Variants in DISC1 observed in about 807,000 individuals in gnomAD.
DISC1 encodes DISC1 scaffold protein, also known as disrupted in schizophrenia 1 protein.
In DISC1, 57 loss-of-function variants were observed where a neutral mutation model predicts 84.5. The observed-to-expected ratio is 0.67, with a 90% CI of 0.55 to 0.84. The LOEUF (loss-of-function observed/expected upper bound fraction) is 0.84, where lower values mean the gene tolerates loss of function less well. DISC1 is among the 40% of genes least tolerant of loss of function. DISC1 has a pLI of 0.00. For synonymous variants in DISC1, 411 were observed against 415.2 expected, an observed-to-expected ratio of 0.99 and a Z score of 0.12; for missense variants, 1,000 against 1,057.8, an observed-to-expected ratio of 0.95 and a Z score of 0.76.
intron 10 of DISC1, among the ~76,000 whole-genome samples, chr1:232,004,436 G>A (rs1364279642): frequency 3.9e-5 from 3 of 77,620 alleles, no homozygotes; most frequent in Non-Finnish European, 8.7e-5. Flanking sequence ...GAACAAACAT[G>A]TAACAATACA....
rs923756679 is a variant in DISC1, at chr1:232,031,625, C to T, written c.2426-5067C>T. Reference sequence around the variant, plus strand: ...TAGTAGTCACAGTTCTTTCCTTAGGCTCTCACTTGGCTTTGGAGTGGGACG... The same window carrying T: ...TAGTAGTCACAGTTCTTTCCTTAGGTTCTCACTTGGCTTTGGAGTGGGACG... On this transcript the variant is annotated intron_variant, in intron 12 of 12. Coordinates refer to ENST00000439617, the MANE Select transcript of DISC1 (RefSeq NM_018662.3). This position sits in a 1 kb window ranked among gnomAD's most constrained non-coding sequence, Gnocchi z 4.6. Among the ~76,000 whole-genome samples the T allele has an allele frequency of 1.3e-5, 2 of 152,122 alleles. No individual in the cohort carries two copies. The highest frequency in any genetic ancestry group is 2.9e-5 in the Non-Finnish European group (2 of 68,012).
intron 6 of DISC1, among the ~76,000 whole-genome samples, chr1:231,794,282 TTTCACCTC>T (rs2078587699): frequency 6.6e-6 from 1 of 152,132 alleles, no homozygotes; most frequent in Non-Finnish European, 1.5e-5. Flanking sequence ...CCAGTTCACT[TTTCACCTC>T]TTCTGGTAAG....
At chr1:231,671,627 T>C (rs561154502) in intron 1 of DISC1, among the ~76,000 whole-genome samples, 1 of 152,310 alleles carries the variant, frequency 6.6e-6, no homozygotes, top group Non-Finnish European at 1.5e-5. Flanking sequence ...GAAGGTTGTA[T>C]TGGTTTTAGT....
intron 1 of DISC1, among the ~76,000 whole-genome samples, chr1:231,661,416 A>G (rs1032769288): frequency 2.0e-5 from 3 of 151,896 alleles, no homozygotes; most frequent in Admixed American, 1.3e-4. Flanking sequence ...AGAATCCCAT[A>G]TTTCTTGGAG....
chr1:232,026,841 T>C (rs1387801139), intron 12 of DISC1, among the ~76,000 whole-genome samples: 3 of 148,050 alleles, frequency 2.0e-5, no homozygotes, highest in Non-Finnish European at 4.5e-5. Context: ...CTCCACCTCC[T>C]GGGTTCAAAC....
intron 12 of DISC1, among the ~76,000 whole-genome samples, chr1:232,036,130 A>C (rs182764865): frequency 2.6e-5 from 4 of 152,310 alleles, no homozygotes; most frequent in Non-Finnish European, 5.9e-5. Context: ...GAGAGGTTTC[A>C]AAGTCATCAT....
intron 1 of DISC1, among the ~76,000 whole-genome samples, chr1:231,636,490 TA>T (rs1359427489): frequency 6.6e-6 from 1 of 152,172 alleles, no homozygotes; most frequent in Non-Finnish European, 1.5e-5. Context: ...ACTTAAATTG[TA>T]ATTTGAATGG....
At chr1:231,922,260 A>T (rs2090054950) in intron 9 of DISC1, among the ~76,000 whole-genome samples, 1 of 152,246 alleles carries the variant, frequency 6.6e-6, no homozygotes, top group South Asian at 2.1e-4. Flanking sequence ...AGCATCTGAC[A>T]GACATGCACC....
At chr1:231,710,142 G>A (rs1238563980) in intron 3 of DISC1, among the ~76,000 whole-genome samples, 1 of 152,096 alleles carries the variant, frequency 6.6e-6, no homozygotes, top group African/African-American at 2.4e-5. Context: ...TTTGAGACCA[G>A]CCTCGGCAAC....
intron 9 of DISC1, among the ~76,000 whole-genome samples, chr1:231,915,112 T>C (rs2089518017): frequency 6.6e-6 from 1 of 152,220 alleles, no homozygotes; most frequent in African/African-American, 2.4e-5. Context: ...TTTGACGTTA[T>C]AGTTGTTAGC....
chr1:231,672,038 CAG>C (rs1466612163), intron 1 of DISC1, among the ~76,000 whole-genome samples: 2 of 152,114 alleles, frequency 1.3e-5, no homozygotes, highest in Non-Finnish European at 2.9e-5. Context: ...TATATTGTGC[CAG>C]AGGTTGCCTG....
intron 9 of DISC1, among the ~76,000 whole-genome samples, chr1:231,915,613 CTAA>C (rs1271119821): frequency 6.6e-6 from 1 of 152,098 alleles, no homozygotes; most frequent in Non-Finnish European, 1.5e-5. Flanking sequence ...CCCGTCTCTA[CTAA>C]AAGTACAAAA....
intron 4 of DISC1, among the ~76,000 whole-genome samples, chr1:231,766,288 T>TAA (rs61578768): frequency 0.54 from 56,466 of 105,418 alleles, 15,149 homozygotes; most frequent in Non-Finnish European, 0.64. Context: ...AGACATTATC[T>TAA]AAAAAAAAAA....
intron 1 of DISC1, among the ~76,000 whole-genome samples, chr1:231,643,696 C>T (rs1315746169): frequency 6.6e-6 from 1 of 152,276 alleles, no homozygotes; most frequent in South Asian, 2.1e-4. Flanking sequence ...TAATTCTCTT[C>T]GTCTGTAAGA....
In DISC1 at chr1:231,659,607, G is replaced by A. The variant is rs569809836; in HGVS notation, c.67+32673G>A. 5.3e-5 allele frequency among the ~76,000 whole-genome samples: 8 copies of A among 152,204 alleles called. No individual in the cohort carries two copies. In the South Asian group the frequency reaches 1.7e-3, roughly 32 times the overall value. ...GAGATCTTTCTAGCTTTTGATGTGG[G>A]CATTTAATGCTCTAAATTTCCCTCT... On this transcript the variant is annotated intron_variant, in intron 1 of 12. Coordinates refer to ENST00000439617, the MANE Select transcript of DISC1 (RefSeq NM_018662.3).
intron 3 of DISC1, chr1:231,702,540 T>G (rs967113284): frequency 1.0e-6 from 1 of 985,412 alleles, no homozygotes; most frequent in African/African-American, 1.8e-5. Flanking sequence ...GGGGGTCACA[T>G]GCATCAAATT....
At chr1:231,717,209 A>T (rs563769197) in intron 3 of DISC1, among the ~76,000 whole-genome samples, 20 of 152,324 alleles carry the variant, frequency 1.3e-4, no homozygotes, top group African/African-American at 4.8e-4. Context: ...CTCTAGGGAA[A>T]TGTGAATAAG....
intron 10 of DISC1, among the ~76,000 whole-genome samples, chr1:231,970,831 A>C (rs1251741211): frequency 6.6e-6 from 1 of 152,218 alleles, no homozygotes; most frequent in Non-Finnish European, 1.5e-5. Flanking sequence ...CCAATATTTA[A>C]GAAGGTCTGA....
At chr1:231,703,532 A>G (rs539730611) in intron 3 of DISC1, among the ~76,000 whole-genome samples, 1 of 152,270 alleles carries the variant, frequency 6.6e-6, no homozygotes, top group Admixed American at 6.5e-5. Context: ...CTTTAATGAC[A>G]CTGTAACACA....
Sources: allele counts gnomAD v4.1 joint callset (sites outside exome capture counted in the v4.1 genomes callset), GRCh38; gene constraint gnomAD v4.1.1; non-coding constraint Gnocchi (gnomAD v3.1); transcripts MANE v1.5; gene names NCBI Gene and HGNC (gene_info 2026-07-23, HGNC 2026-07-21).